REEP3: variants seen among roughly 807,000 people sequenced by gnomAD.
REEP3 encodes receptor accessory protein 3.
In REEP3, 20 loss-of-function variants were observed where a neutral mutation model predicts 41.3. The ratio of observed to expected loss-of-function variants is 0.48; its 90% CI spans 0.34 to 0.70. The LOEUF is 0.70. Ranked by LOEUF, REEP3 falls within the 30% of genes least tolerant of loss-of-function variation. REEP3 has a pLI of 0.01. For synonymous variants in REEP3, 104 were observed against 101.8 expected (o/e 1.02, Z -0.13); for missense variants, 271 against 308.8 (o/e 0.88, Z 0.92).
At chr10:63,576,375 C>T (rs1462988146) in intron 2 of REEP3, among the ~76,000 whole-genome samples, 1 of 152,102 alleles carries the variant, frequency 6.6e-6, no homozygotes, top group Admixed American at 6.5e-5. Context: ...GTTGACTGGG[C>T]CACACTCCCT....
intron 2 of REEP3, among the ~76,000 whole-genome samples, chr10:63,576,872 C>T (rs556773459): frequency 6.6e-6 from 1 of 152,258 alleles, no homozygotes; most frequent in Admixed American, 6.5e-5. Flanking sequence ...ATAAAGACAC[C>T]AGCCCTATAG....
intron 1 of REEP3, among the ~76,000 whole-genome samples, chr10:63,534,636 C>T (rs1955458033): frequency 6.6e-6 from 1 of 152,190 alleles, no homozygotes; most frequent in Admixed American, 6.5e-5. Flanking sequence ...TGTATTGTCT[C>T]TGTGTAAATC....
At chr10:63,526,296 AT>A (rs1955364093) in intron 1 of REEP3, among the ~76,000 whole-genome samples, 1 of 152,066 alleles carries the variant, frequency 6.6e-6, no homozygotes, top group African/African-American at 2.4e-5. Context: ...CCATTCATCT[AT>A]TTGTATTTAA....
chr10:63,617,286 C>T (rs1161127634), intron 6 of REEP3, among the ~76,000 whole-genome samples: 1 of 152,190 alleles, frequency 6.6e-6, no homozygotes, highest in Non-Finnish European at 1.5e-5. Flanking sequence ...TTATACCTGA[C>T]TAATATACAA....
chr10:63,573,605 TA>T (rs919773199), intron 2 of REEP3, among the ~76,000 whole-genome samples: 79 of 152,318 alleles, frequency 5.2e-4, no homozygotes, highest in African/African-American at 1.8e-3. Context: ...AATGGCCCTC[TA>T]AAAGTCTGCT....
intron 1 of REEP3, among the ~76,000 whole-genome samples, chr10:63,546,241 A>C (rs1212884452): frequency 2.0e-5 from 3 of 152,190 alleles, no homozygotes; most frequent in African/African-American, 7.2e-5. Flanking sequence ...GTATCGAAGC[A>C]AAGATGGAAG....
intron 2 of REEP3, 89 bp downstream of exon 2, chr10:63,566,499 G>GTA: frequency 1.3e-6 from 1 of 750,488 alleles, no homozygotes; most frequent in Non-Finnish European, 2.2e-6. Context: ...AACGGCTGGA[G>GTA]TAGTGTTTTG....
At chr10:63,598,411 G>A (rs1956137720) in intron 4 of REEP3, among the ~76,000 whole-genome samples, 1 of 145,716 alleles carries the variant, frequency 6.9e-6, no homozygotes, top group African/African-American at 2.5e-5. Flanking sequence ...TTGAACCCAG[G>A]AGACGGAGGT....
chr10:63,522,472 C>T (rs1402901652), intron 1 of REEP3, among the ~76,000 whole-genome samples: 1 of 151,896 alleles, frequency 6.6e-6, no homozygotes, highest in Non-Finnish European at 1.5e-5. Flanking sequence ...ACCCCTCTCC[C>T]CGATTAAAAA....
intron 1 of REEP3, among the ~76,000 whole-genome samples, chr10:63,543,783 G>A (rs1955552830): frequency 6.6e-6 from 1 of 152,202 alleles, no homozygotes. Context: ...GACCACAAAC[G>A]GGAAAGTCAG....
At chr10:63,560,894 A>G (rs1312143999) in intron 1 of REEP3, among the ~76,000 whole-genome samples, 1 of 152,188 alleles carries the variant, frequency 6.6e-6, no homozygotes, top group African/African-American at 2.4e-5. Flanking sequence ...AAACCCTAGA[A>G]AATATTACAG....
intron 5 of REEP3, among the ~76,000 whole-genome samples, chr10:63,604,604 C>A (rs1358392195): frequency 6.6e-6 from 1 of 151,898 alleles, no homozygotes. Flanking sequence ...CTATGACTTT[C>A]TGTTTGTGAA....
chr10:63,605,895 C>T (rs369188151), intron 5 of REEP3, among the ~76,000 whole-genome samples: 1 of 152,148 alleles, frequency 6.6e-6, no homozygotes, highest in African/African-American at 2.4e-5. Context: ...CCCTCCTGCC[C>T]AGTCAGCCCC....
At chr10:63,576,599 C>G (rs775669095) in intron 2 of REEP3, among the ~76,000 whole-genome samples, 2 of 152,172 alleles carry the variant, frequency 1.3e-5, no homozygotes, top group African/African-American at 4.8e-5. Flanking sequence ...AATAAGGTCA[C>G]GTTCTGAGGG....
intron 1 of REEP3, among the ~76,000 whole-genome samples, chr10:63,526,336 CATT>C (rs951109003): frequency 1.3e-5 from 2 of 151,844 alleles, no homozygotes; most frequent in Non-Finnish European, 2.9e-5. Context: ...TTTAATATTT[CATT>C]ATTATAAGTA....
chr10:63,595,062 C>G (rs888161744), intron 3 of REEP3, among the ~76,000 whole-genome samples: 1 of 152,112 alleles, frequency 6.6e-6, no homozygotes, highest in Non-Finnish European at 1.5e-5. Flanking sequence ...CCCCATACGC[C>G]GCTCCCTGCT....
chr10:63,594,276 T>C (rs530125505), intron 2 of REEP3, among the ~76,000 whole-genome samples: 3 of 151,588 alleles, frequency 2.0e-5, no homozygotes, highest in Non-Finnish European at 4.4e-5. Context: ...TAGTCCCAGC[T>C]ACTCGGGCAG....
intron 2 of REEP3, among the ~76,000 whole-genome samples, chr10:63,590,218 G>A (rs1410262247): frequency 3.3e-5 from 5 of 152,128 alleles, no homozygotes; most frequent in African/African-American, 7.2e-5. Flanking sequence ...GTGCACTCAC[G>A]CATTTTAAAA....
chr10:63,576,251 T>G (rs1955897921), intron 2 of REEP3, among the ~76,000 whole-genome samples: 1 of 152,182 alleles, frequency 6.6e-6, no homozygotes, highest in Non-Finnish European at 1.5e-5. Flanking sequence ...GACTATAGAA[T>G]ATTTTCCTGT....
Sources: allele counts gnomAD v4.1 joint callset (sites outside exome capture counted in the v4.1 genomes callset), GRCh38; gene constraint gnomAD v4.1.1; transcripts MANE v1.5; gene names NCBI Gene and HGNC (gene_info 2026-07-23, HGNC 2026-07-21).